RORA: variants seen among roughly 807,000 people sequenced by gnomAD.
The protein encoded by RORA is nuclear receptor ROR-alpha.
In RORA, 7 loss-of-function variants were observed where a neutral mutation model predicts 69.5. That is an observed-to-expected ratio of 0.10 (90% confidence interval 0.06 to 0.19). The LOEUF is 0.19. RORA is among the 10% of genes least tolerant of loss of function. The probability of loss-of-function intolerance (pLI) is 1.00; values close to 1 mark genes in which losing one functional copy is unlikely to be tolerated. For missense variants in RORA, 457 were observed against 663.0 expected, an observed-to-expected ratio of 0.69 and a Z score of 3.41; for synonymous variants, 261 against 240.8, an observed-to-expected ratio of 1.08 and a Z score of -0.78.
intron 2 of RORA, among the ~76,000 whole-genome samples, chr15:60,611,899 G>A (rs2069101634): frequency 6.6e-6 from 1 of 152,184 alleles, no homozygotes. Context: ...AAGGCCAAAG[G>A]ACATTTTCCC....
intron 1 of RORA, among the ~76,000 whole-genome samples, chr15:61,127,730 A>G (rs1298671481): frequency 6.6e-6 from 1 of 152,008 alleles, no homozygotes; most frequent in Non-Finnish European, 1.5e-5. Flanking sequence ...GGCTTCCAAT[A>G]TTTTTCAATA....
chr15:60,523,296 A>G (rs1052161400), intron 3 of RORA, among the ~76,000 whole-genome samples: 8 of 152,214 alleles, frequency 5.3e-5, no homozygotes, highest in Admixed American at 2.0e-4. Context: ...ACCAACATTC[A>G]TGTTGGAACT....
intron 1 of RORA, among the ~76,000 whole-genome samples, chr15:60,881,641 A>G (rs2073681791): frequency 6.6e-6 from 1 of 152,170 alleles, no homozygotes; most frequent in Admixed American, 6.5e-5. Context: ...AGACAGAGAG[A>G]AAAGAGAGTG....
intron 1 of RORA, among the ~76,000 whole-genome samples, chr15:61,065,417 C>T (rs1424388050): frequency 6.6e-6 from 1 of 152,160 alleles, no homozygotes; most frequent in Non-Finnish European, 1.5e-5. Context: ...AAATGCTCAT[C>T]CCACCCTTTT....
At position 60,847,729 on chromosome 15, in the gene RORA, G is replaced by A. The variant is rs563586661; in HGVS notation, c.167-169043C>T. 8.2e-4 allele frequency: 125 copies of A among 152,196 alleles called. 1 individual carries two copies. The highest frequency in any genetic ancestry group is 2.8e-3 in the African/African-American group (116 of 41,526). 9.4% of individuals were successfully genotyped at this position (152,196 alleles called of 1,614,324 possible). A position where few individuals can be genotyped will look rare whatever the true frequency, so the allele number is the denominator to read the frequency against. ...AATAAGTTTTCCATATTGATACCACGTTGAAATGATAATACTTTGGATAGA... is the reference window on the plus strand; with the variant it reads ...AATAAGTTTTCCATATTGATACCACATTGAAATGATAATACTTTGGATAGA... On this transcript the variant is annotated intron_variant, in intron 1 of 10. Coordinates refer to ENST00000335670, the MANE Select transcript of RORA (RefSeq NM_134261.3).
At chr15:60,673,674 T>A (rs938138808) in intron 2 of RORA, among the ~76,000 whole-genome samples, 2 of 152,262 alleles carry the variant, frequency 1.3e-5, no homozygotes, top group Non-Finnish European at 2.9e-5. Context: ...GAGCGACTTA[T>A]GGAACTGGTA....
At chr15:60,921,015 C>T (rs1297397042) in intron 1 of RORA, among the ~76,000 whole-genome samples, 1 of 152,184 alleles carries the variant, frequency 6.6e-6, no homozygotes, top group Non-Finnish European at 1.5e-5. Context: ...CTTGGTTCTA[C>T]CTCATAGCCT....
intron 1 of RORA, among the ~76,000 whole-genome samples, chr15:61,204,523 G>A (rs769157564): frequency 6.0e-4 from 91 of 152,198 alleles, no homozygotes; most frequent in Non-Finnish European, 2.6e-4. Context: ...AAGGACAGAT[G>A]AAAGATGAGT....
Position 60,556,932 on chromosome 15 carries a change from G to A in RORA, c.197-25081C>T, listed in dbSNP as rs2067379679. The stretch of plus-strand genomic sequence containing the variant: ...TGCCATTCTGCCTCCAGGAACACTT[G>A]TTTGTCCACCCCAATCCAATGATAA... On this transcript the variant is annotated intron_variant, in intron 2 of 10. Coordinates refer to ENST00000335670, the MANE Select transcript of RORA (RefSeq NM_134261.3). 4 of 1,611,486 alleles carry A rather than the reference G, an allele frequency of 2.5e-6. No homozygotes were observed. The South Asian group carries it at 3.3e-5, about 13-fold the overall frequency.
At chr15:61,145,393 T>C (rs577221874) in intron 1 of RORA, among the ~76,000 whole-genome samples, 5 of 152,232 alleles carry the variant, frequency 3.3e-5, no homozygotes, top group Admixed American at 6.5e-5. Flanking sequence ...AAGTATCCAG[T>C]GCTCTGTCAT....
intron 1 of RORA, among the ~76,000 whole-genome samples, chr15:60,789,653 A>C (rs1157181905): frequency 6.6e-6 from 1 of 152,246 alleles, no homozygotes; most frequent in Non-Finnish European, 1.5e-5. Context: ...TTTCTTTAAG[A>C]AGAAAGAATT....
chr15:60,536,873 G>GT (rs370359029), intron 2 of RORA, among the ~76,000 whole-genome samples: 1 of 152,164 alleles, frequency 6.6e-6, no homozygotes, highest in Non-Finnish European at 1.5e-5. Context: ...TGTTGATGGT[G>GT]TTTTTTTCTG....
intron 1 of RORA, among the ~76,000 whole-genome samples, chr15:60,880,908 A>G (rs1034773323): frequency 6.6e-6 from 1 of 152,162 alleles, no homozygotes; most frequent in Admixed American, 6.5e-5. Flanking sequence ...TTTAAAGGTG[A>G]GGCAGGTACT....
intron 1 of RORA, among the ~76,000 whole-genome samples, chr15:61,179,185 G>A (rs150816434): frequency 6.6e-6 from 1 of 152,328 alleles, no homozygotes; most frequent in East Asian, 1.9e-4. Flanking sequence ...TAGCACAGCA[G>A]TTCCCACAAG....
intron 2 of RORA, among the ~76,000 whole-genome samples, chr15:60,551,297 T>C (rs994426447): frequency 2.0e-5 from 3 of 151,816 alleles, no homozygotes; most frequent in Non-Finnish European, 4.4e-5. Context: ...CTGACCTCAA[T>C]ATGGAGTAAA....
At chr15:61,085,095 A>T (rs2078603397) in intron 1 of RORA, among the ~76,000 whole-genome samples, 1 of 152,158 alleles carries the variant, frequency 6.6e-6, no homozygotes. Context: ...TGTTCATTTA[A>T]AAGAGGAAGT....
At chr15:60,870,534 C>T (rs2073544201) in intron 1 of RORA, among the ~76,000 whole-genome samples, 1 of 152,184 alleles carries the variant, frequency 6.6e-6, no homozygotes, top group Non-Finnish European at 1.5e-5. Flanking sequence ...AGAGGGGCGT[C>T]TTTAGCTAGC....
intron 1 of RORA, among the ~76,000 whole-genome samples, chr15:61,098,296 A>C (rs148503946): frequency 3.4e-4 from 31 of 92,182 alleles, no homozygotes; most frequent in Admixed American, 1.1e-3. Context: ...TGCCTCCCTC[A>C]CTGTCTCCCT....
chr15:60,927,438 C>A (rs55819168), intron 1 of RORA, among the ~76,000 whole-genome samples: 33,138 of 152,164 alleles, frequency 0.22, 4,648 homozygotes, highest in Non-Finnish European at 0.3. Context: ...GTCTTTGCAG[C>A]TTCCTCTTCC....
Sources: gnomAD v4.1 joint callset for allele counts (sites outside exome capture counted in the v4.1 genomes callset) on GRCh38, gnomAD v4.1.1 for gene constraint, MANE v1.5 for transcripts, NCBI Gene and HGNC (gene_info 2026-07-23, HGNC 2026-07-21) for gene names.